PFKP: variants seen among roughly 807,000 people sequenced by gnomAD.
PFKP encodes the protein ATP-dependent 6-phosphofructokinase, platelet type.
In PFKP, 101 loss-of-function variants were observed where a neutral mutation model predicts 94.3. The observed-to-expected ratio is 1.07, with a 90% confidence interval of 0.91 to 1.26. The LOEUF (loss-of-function observed/expected upper bound fraction) is 1.26, where lower values mean the gene tolerates loss of function less well. Ranked by LOEUF, PFKP falls within the 50% of genes most tolerant of loss-of-function variation. The pLI, the probability that PFKP is intolerant of heterozygous loss-of-function variation, is 0.00. For missense variants in PFKP, 1,145 were observed against 1,103.3 expected, an observed-to-expected ratio of 1.04 and a Z score of -0.53; for synonymous variants, 573 against 432.6, an observed-to-expected ratio of 1.32 and a Z score of -4.03.
At chr10:3,115,672 A>G (rs143330764) in intron 13 of PFKP, among the ~76,000 whole-genome samples, 240 of 152,292 alleles carry the variant, frequency 1.6e-3, no homozygotes, top group Admixed American at 5.4e-3. Flanking sequence ...GGCTGAGCTC[A>G]TGGGTTTAGG....
At chr10:3,109,700 C>T (rs557024844) in intron 10 of PFKP, among the ~76,000 whole-genome samples, 8 of 152,312 alleles carry the variant, frequency 5.3e-5, no homozygotes, top group South Asian at 2.1e-4. Context: ...TCTAAGTTAC[C>T]ATCCATCTGT....
intron 14 of PFKP, 32 bp from the exon 15 acceptor site, chr10:3,118,750 T>G: frequency 6.5e-7 from 1 of 1,544,820 alleles, no homozygotes; most frequent in Non-Finnish European, 8.9e-7. Context: ...GTTTGGGGTG[T>G]CTGACATCGT....
At chr10:3,104,639 T>A (rs555099179) in intron 5 of PFKP, 1 of 212,954 alleles carries the variant, frequency 4.7e-6, no homozygotes, top group South Asian at 7.5e-5. Flanking sequence ...GTTGGAAGGC[T>A]GCTCGGAGCA....
intron 1 of PFKP, among the ~76,000 whole-genome samples, chr10:3,079,993 G>A (rs537349190): frequency 2.3e-4 from 35 of 152,262 alleles, no homozygotes; most frequent in African/African-American, 7.9e-4. Context: ...TCAGGTGGGA[G>A]GCAAGCCAGG....
intron 2 of PFKP, among the ~76,000 whole-genome samples, chr10:3,098,503 G>T (rs146536061): frequency 1.3e-5 from 2 of 151,624 alleles, no homozygotes; most frequent in Non-Finnish European, 2.9e-5. Flanking sequence ...GTGAAGCCCC[G>T]TCTCTACTAA....
At chr10:3,077,300 T>C (rs1185902324) in intron 1 of PFKP, among the ~76,000 whole-genome samples, 1 of 132,590 alleles carries the variant, frequency 7.5e-6, no homozygotes, top group African/African-American at 2.8e-5. Flanking sequence ...TCTCACTCTG[T>C]CACCAGGCTG....
At chr10:3,115,422 C>CGGTGGAGGA (rs1564327415) in intron 13 of PFKP, among the ~76,000 whole-genome samples, 1 of 54,134 alleles carries the variant, frequency 1.8e-5, no homozygotes, top group Non-Finnish European at 5.7e-5. Flanking sequence ...GTGTGTCCCG[C>CGGTGGAGGA]CATGGAGGAC....
chr10:3,128,955 G>C (rs901696561), intron 16 of PFKP: 1 of 152,352 alleles, frequency 6.6e-6, no homozygotes, highest in Admixed American at 6.5e-5. Context: ...GGGGATTCCC[G>C]ACAAAGGCTT....
At chr10:3,108,178 C>T (rs1012712684) in intron 8 of PFKP, among the ~76,000 whole-genome samples, 11 of 152,202 alleles carry the variant, frequency 7.2e-5, no homozygotes, top group African/African-American at 1.9e-4. Flanking sequence ...AAGGAATTTA[C>T]GTAGCCCAGC....
intron 1 of PFKP, among the ~76,000 whole-genome samples, chr10:3,080,575 A>T (rs1832991543): frequency 6.6e-6 from 1 of 151,170 alleles, no homozygotes; most frequent in African/African-American, 2.4e-5. Context: ...AACATCTCGG[A>T]CGTAGTGTCA....
At chr10:3,086,426 C>T (rs1833604672) in intron 2 of PFKP, among the ~76,000 whole-genome samples, 1 of 152,252 alleles carries the variant, frequency 6.6e-6, no homozygotes, top group African/African-American at 2.4e-5. Context: ...GTCCCCGACC[C>T]CTGGCCTCTA....
chr10:3,134,730 G>C (rs547228908), intron 20 of PFKP, 148 bp downstream of exon 20: 6 of 575,542 alleles, frequency 1.0e-5, no homozygotes, highest in African/African-American at 1.8e-5. Flanking sequence ...CCTGATCTCT[G>C]AGTGTTGCTA....
intron 1 of PFKP, among the ~76,000 whole-genome samples, chr10:3,075,218 G>T (rs916394095): frequency 6.6e-6 from 1 of 152,166 alleles, no homozygotes; most frequent in African/African-American, 2.4e-5. Context: ...CAACCTTCCA[G>T]CCTGGGCGTT....
intron 4 of PFKP, among the ~76,000 whole-genome samples, chr10:3,102,253 A>AAAAAAAAC (rs1835092645): frequency 6.4e-5 from 4 of 62,652 alleles, no homozygotes; most frequent in Admixed American, 1.4e-4. Flanking sequence ...TCTGTCTCAA[A>AAAAAAAAC]AAAAAAAAAA....
At chr10:3,123,809 C>A (rs1837655731) in intron 16 of PFKP, among the ~76,000 whole-genome samples, 1 of 152,268 alleles carries the variant, frequency 6.6e-6, no homozygotes, top group Admixed American at 6.5e-5. Context: ...GGATTGAAGT[C>A]CTGCAAAAAC....
chr10:3,074,355 AC>A (rs1318101890), intron 1 of PFKP, among the ~76,000 whole-genome samples: 2 of 152,118 alleles, frequency 1.3e-5, no homozygotes, highest in Non-Finnish European at 2.9e-5. Flanking sequence ...CTTTGACCTG[AC>A]CTGACAGTGA....
intron 4 of PFKP, among the ~76,000 whole-genome samples, chr10:3,102,953 C>A (rs1835163249): frequency 6.6e-6 from 1 of 152,218 alleles, no homozygotes; most frequent in Admixed American, 6.5e-5. Context: ...GGCCACAAGT[C>A]CGGGCCCAAG....
chr10:3,092,871 A>G (rs2388592), intron 2 of PFKP, among the ~76,000 whole-genome samples: 151,168 of 152,290 alleles, frequency 0.99, 75,038 homozygotes, highest in Middle Eastern at 1. Flanking sequence ...GTCTGAGGAA[A>G]GGGGTGTGGG....
In PFKP at chr10:3,136,713, T is replaced by A. The variant is rs7673; in HGVS notation, c.*134T>A. ...TCGGCGAGTGCCCATCTGCCCCACC[T>A]GCTCCAGTGCGTGCTGTCTGTGGAG... is the stretch of plus-strand genomic sequence containing the variant. On this transcript the variant is annotated 3_prime_UTR_variant, in exon 22 of 22. Transcript: ENST00000381125. The A allele has an allele frequency of 0.92, 766,990 of 837,130 alleles. 351,965 individuals are homozygous for A. The highest frequency in any genetic ancestry group is 0.93 in the Admixed American group (41,610 of 44,550). The allele number at this position is 837,130 out of a possible 1,614,324, so 51.9% of individuals were successfully genotyped here.
Sources: allele counts gnomAD v4.1 joint callset (sites outside exome capture counted in the v4.1 genomes callset), GRCh38; gene constraint gnomAD v4.1.1; transcripts MANE v1.5; gene names NCBI Gene and HGNC (gene_info 2026-07-23, HGNC 2026-07-21).